ABHD1: variants seen among roughly 807,000 people sequenced by gnomAD.
ABHD1 encodes protein ABHD1.
A neutral mutation model predicts 41.4 loss-of-function variants in ABHD1; 47 were observed. The ratio of observed to expected loss-of-function variants is 1.13; its 90% CI spans 0.90 to 1.45. The LOEUF (loss-of-function observed/expected upper bound fraction) is 1.45. Ranked by LOEUF, ABHD1 falls within the 40% of genes most tolerant of loss-of-function variation. ABHD1 has a pLI of 0.00. For missense variants in ABHD1, 550 were observed against 503.4 expected, an observed-to-expected ratio of 1.09 and a Z score of -0.89; for synonymous variants, 205 against 203.7, an observed-to-expected ratio of 1.01 and a Z score of -0.05.
intron 2 of ABHD1, 78 bp downstream of exon 2, chr2:27,128,679 G>C: frequency 6.4e-7 from 1 of 1,569,978 alleles, no homozygotes; most frequent in Non-Finnish European, 8.7e-7. Context: ...TTAAAATGTA[G>C]GTAATCTGCC....
At position 27,130,148 on chromosome 2, in the gene ABHD1, C is replaced by A. The variant is rs1222519668; in HGVS notation, c.835C>A (p.Leu279Ile). 6.2e-7 allele frequency: 1 copy of A among 1,614,164 alleles called. No homozygotes were observed. The highest frequency in any genetic ancestry group is 1.3e-5 in the African/African-American group (1 of 75,036). Residue 279 changes from leucine (L) to isoleucine (I), a missense_variant, in exon 7 of 9, where the codon CTA (leucine) becomes ATA (isoleucine). Leu to Ile is a conservative substitution (Grantham distance 5, BLOSUM62 2). Coordinates refer to ENST00000316470, the MANE Select transcript of ABHD1 (RefSeq NM_032604.4). ...IEKVVDIDFVLQARTIRQFDE... is the reference protein window; with the variant it reads ...IEKVVDIDFVIQARTIRQFDE... ...AAAGGTGGTGGACATAGACTTTGTA[C>A]TACAGGTATAATATTCAGCCATGCC...
intron 1 of ABHD1, chr2:27,125,267 C>T (rs1312073994): frequency 6.6e-6 from 1 of 152,306 alleles, no homozygotes; most frequent in East Asian, 1.9e-4. Flanking sequence ...TAAGGAAACA[C>T]TTTCCTTTAC....
Position 27,129,939 on chromosome 2 carries a change from G to C in ABHD1, c.791+12G>C, listed in dbSNP as rs1206656777. 1.9e-6 allele frequency: 3 copies of C among 1,613,696 alleles called. No individual in the cohort carries two copies. The highest frequency in any genetic ancestry group is 2.5e-6 in the Non-Finnish European group (3 of 1,179,972). ...CAACTTGTGGAACGGTAGGGTCGTG[G>C]CAAGTGGGAGGAGGCAGTAGACAGA... On this transcript the variant is annotated intron_variant, in intron 6 of 8. Transcript: ENST00000316470.
chr2:27,130,333 C>T lies in ABHD1; in HGVS notation c.923C>T (p.Ala308Val). Residue 308 changes from alanine (A) to valine (V), a missense_variant, in exon 8 of 9, where the codon GCA (alanine) becomes GTA (valine). Ala to Val is a moderately conservative substitution (Grantham distance 64). Coordinates refer to ENST00000316470, the MANE Select transcript of ABHD1 (RefSeq NM_032604.4). ...GACTGTGTTACCTACTACAAAGCAGCAAGCCCTAGAACCAAGATAGATGCC... is the reference window on the plus strand; with the variant it reads ...GACTGTGTTACCTACTACAAAGCAGTAAGCCCTAGAACCAAGATAGATGCC... ...YQDCVTYYKA[A>V]SPRTKIDAIR... 6.2e-7 allele frequency: 1 copy of T among 1,614,166 alleles called. No homozygotes were observed. Among genetic ancestry groups the T allele is most frequent in the Non-Finnish European group, 8.5e-7 (1 of 1,180,034 alleles).
chr2:27,129,623 G>T lies in ABHD1; in HGVS notation c.614G>T (p.Gly205Val). ...CTGCTGGCCGTGGGCATCTCTTTTG[G>T]AGGGTAAAGATTGCCTGGGCTTAGC... ...APLLAVGISF[G>V]GILVLNHLAQ... Residue 205 changes from glycine (G) to valine (V), a missense_variant, in exon 5 of 9, where the codon GGA becomes GTA. Coordinates refer to ENST00000316470, the MANE Select transcript of ABHD1 (RefSeq NM_032604.4). The T allele has an allele frequency of 6.2e-7, 1 of 1,612,504 alleles. No individual in the cohort carries two copies.
intron 6 of ABHD1, 29 bp from the exon 7 acceptor site, chr2:27,130,076 T>G: frequency 1.2e-6 from 2 of 1,614,144 alleles, no homozygotes; most frequent in East Asian, 4.5e-5. Context: ...GATCCAGGTG[T>G]CAAGCCAAAC....
chr2:27,128,306 T>G (rs1210216101), intron 1 of ABHD1, 135 bp from the exon 2 acceptor site: 4 of 1,037,920 alleles, frequency 3.9e-6, no homozygotes, highest in Non-Finnish European at 5.9e-6. Context: ...CTGTGCTGAG[T>G]ATCTCACATG....
At chr2:27,128,840 G>C in intron 2 of ABHD1, 105 bp from the exon 3 acceptor site, 1 of 1,365,684 alleles carries the variant, frequency 7.3e-7, no homozygotes, top group Non-Finnish European at 1.0e-6. Flanking sequence ...AGATGATGCT[G>C]ACGGGAAGTG....
In ABHD1 at chr2:27,130,612, G is replaced by A. The variant is rs147790643; in HGVS notation, c.1086G>A (p.Leu362=). The A allele has an allele frequency of 3.5e-4, 568 of 1,614,184 alleles. 1 individual carries two copies. The highest frequency in any genetic ancestry group is 1.7e-3 in the Admixed American group (100 of 60,018). ...CCCGGGGTGGCCACATCGGCTTCCT[G>A]GAAGGGCTGCTCCCGTGGCAGCACT... The part of the protein sequence containing the change: ...ITARGGHIGF[L]EGLLPWQHWY... The change falls in exon 9 of 9, where the codon CTG becomes CTA. Residue 362 remains leucine (L), a synonymous_variant. Transcript: ENST00000316470.
intron 1 of ABHD1, chr2:27,124,500 T>G: frequency 2.8e-6 from 1 of 355,192 alleles, no homozygotes; most frequent in Non-Finnish European, 5.5e-6. Context: ...CTGGCTGAGG[T>G]CAGAACTGGC....
At position 27,129,172 on chromosome 2, in the gene ABHD1, T is replaced by C; in HGVS notation, c.458+45T>C. 3 of 1,598,156 alleles carry C rather than the reference T, an allele frequency of 1.9e-6. No homozygotes were observed. The South Asian group carries it at 3.3e-5, about 18-fold the overall frequency. ...CAGAGTGGGGTGGCATCTGAGAACG[T>C]GTATTAGGGAGAAGTCAATCCGGAC... On this transcript the variant is annotated intron_variant, in intron 3 of 8. Transcript: ENST00000316470.
rs1324342400 is a variant in ABHD1, at chr2:27,129,304, T to A, written c.459-12T>A. 6.2e-7 allele frequency: 1 copy of A among 1,614,134 alleles called. No homozygotes were observed. Among genetic ancestry groups the A allele is most frequent in the East Asian group, 2.2e-5 (1 of 44,892 alleles). On this transcript the variant is annotated splice_polypyrimidine_tract_variant and intron_variant, in intron 3 of 8. Transcript: ENST00000316470. ...GAAGGGTCTGGCTAAGATGTACCTG[T>A]GTGTGCCACAGGGCTGTCGTGTTTA... is the stretch of plus-strand genomic sequence containing the variant.
rs770143523 is a variant in ABHD1 at position 27,129,818 on chromosome 2, C to CT, written c.683dup (p.Ser229ValfsTer8). The CT allele has an allele frequency of 9.9e-6, 16 of 1,614,108 alleles. No individual in the cohort carries two copies. Among genetic ancestry groups the CT allele is most frequent in the Admixed American group, 1.7e-5 (1 of 60,016 alleles). ...TGCAGGGCTGGTGGCAGCACTGACTCTGTCTGCATGCTGGGATTCCTTTGA... is the reference window on the plus strand; with the variant it reads ...TGCAGGGCTGGTGGCAGCACTGACTCTTGTCTGCATGCTGGGATTCCTTTGA... On this transcript the variant is annotated frameshift_variant, in exon 6 of 9. Transcript: ENST00000316470. LOFTEE classifies it high-confidence loss of function.
rs770677285 is a variant in ABHD1 at position 27,128,486 on chromosome 2, C to A, written c.160C>A (p.Pro54Thr). Residue 54 changes from proline to threonine, a missense_variant, in exon 2 of 9, where the codon CCA (proline) becomes ACA (threonine). Coordinates refer to ENST00000316470, the MANE Select transcript of ABHD1 (RefSeq NM_032604.4). Reference protein sequence around the residue: ...AGPQFLAFLEPHCSITTETFY... With the variant: ...AGPQFLAFLETHCSITTETFY... ...GCCGCAGTTTCTGGCCTTCCTGGAG[C>A]CACACTGTTCCATCACCACCGAGAC... The A allele has an allele frequency of 5.0e-5, 80 of 1,604,178 alleles. No homozygotes were observed. Among genetic ancestry groups the A allele is most frequent in the Non-Finnish European group, 6.7e-5 (79 of 1,176,446 alleles).
At chr2:27,128,647 G>C (rs746199976) in intron 2 of ABHD1, 46 bp downstream of exon 2, 3 of 1,602,992 alleles carry the variant, frequency 1.9e-6, no homozygotes, top group South Asian at 1.1e-5. Context: ...CAGGTATCTA[G>C]GGAAAAACCT....
chr2:27,128,373 G>T, intron 1 of ABHD1, 68 bp from the exon 2 acceptor site: 1 of 1,604,080 alleles, frequency 6.2e-7, no homozygotes, highest in African/African-American at 1.3e-5. Flanking sequence ...CTCACCCTCT[G>T]GTGTTGGGTG....
At position 27,129,741 on chromosome 2, in the gene ABHD1, T is replaced by A. The variant is rs752592315; in HGVS notation, c.618-13T>A. 4.3e-6 allele frequency: 7 copies of A among 1,613,720 alleles called. No individual in the cohort carries two copies. The highest frequency in any genetic ancestry group is 1.7e-5 in the Admixed American group (1 of 60,030). On this transcript the variant is annotated splice_polypyrimidine_tract_variant and intron_variant, in intron 5 of 8. Coordinates refer to ENST00000316470, the MANE Select transcript of ABHD1 (RefSeq NM_032604.4). ...CAAACCCTTCTTTCATGGTCCCTTG[T>A]CCAATTCCACAGGATACTGGTGCTG...
chr2:27,130,244 C>A lies in ABHD1; in HGVS notation c.841-7C>A. On this transcript the variant is annotated splice_polypyrimidine_tract_variant and splice_region_variant and intron_variant, in intron 7 of 8. Transcript: ENST00000316470. ...CATCTTAGCCTATCCTATGGTAAGACCTGCAGGCCCGTACAATCCGCCAGT... is the reference window on the plus strand; with the variant it reads ...CATCTTAGCCTATCCTATGGTAAGAACTGCAGGCCCGTACAATCCGCCAGT... 6.2e-7 allele frequency: 1 copy of A among 1,614,170 alleles called. No homozygotes were observed. Among genetic ancestry groups the A allele is most frequent in the Non-Finnish European group, 8.5e-7 (1 of 1,180,026 alleles).
intron 1 of ABHD1, chr2:27,125,744 T>C (rs183739503): frequency 6.6e-6 from 1 of 151,862 alleles, no homozygotes; most frequent in Admixed American, 6.6e-5. Context: ...CTACTAAAAA[T>C]ACAAAAATTA....
Sources: allele counts gnomAD v4.1 joint callset, GRCh38; gene constraint gnomAD v4.1.1; transcripts MANE v1.5; gene names NCBI Gene and HGNC (gene_info 2026-07-23, HGNC 2026-07-21).